The following CHODL variants were observed in gnomAD, a reference collection of about 807,000 sequenced individuals.
The protein encoded by CHODL is chondrolectin.
Under a neutral mutation model 34.5 loss-of-function variants are expected in CHODL, and 29 were observed. That is an observed-to-expected ratio of 0.84 (90% CI 0.63 to 1.15). The LOEUF is 1.15. CHODL is among the 50% of genes most tolerant of loss of function. CHODL has a pLI of 0.00. For synonymous variants in CHODL, 125 were observed against 116.1 expected (o/e 1.08, Z -0.49); for missense variants, 332 against 332.5 (o/e 1.00, Z 0.01).
chr21:17,922,538 G>A (rs1201886999), intron 1 of CHODL, among the ~76,000 whole-genome samples: 1 of 152,112 alleles, frequency 6.6e-6, no homozygotes. Flanking sequence ...GCTCTGATAA[G>A]GTTGTTAGCA....
At chr21:18,137,350 A>AT (rs1424099365) in intron 2 of CHODL, among the ~76,000 whole-genome samples, 7 of 152,190 alleles carry the variant, frequency 4.6e-5, no homozygotes, top group African/African-American at 1.7e-4. Context: ...CATAACTATC[A>AT]TAATTAGCAT....
At chr21:18,008,240 T>C (rs1219626857) in intron 1 of CHODL, among the ~76,000 whole-genome samples, 2 of 152,094 alleles carry the variant, frequency 1.3e-5, no homozygotes, top group Admixed American at 6.5e-5. Context: ...TTTGTATGTA[T>C]GCGTATACCC....
At chr21:18,093,962 C>G (rs1478596159) in intron 2 of CHODL, among the ~76,000 whole-genome samples, 1 of 151,948 alleles carries the variant, frequency 6.6e-6, no homozygotes, top group Non-Finnish European at 1.5e-5. Flanking sequence ...ATCCAATGAT[C>G]TATGCTTACA....
intron 2 of CHODL, among the ~76,000 whole-genome samples, chr21:18,077,659 T>A (rs2064882453): frequency 6.6e-6 from 1 of 152,092 alleles, no homozygotes. Flanking sequence ...CTTTGCCCAT[T>A]TTGCAATGTG....
chr21:18,206,897 T>G (rs975455855), intron 2 of CHODL, among the ~76,000 whole-genome samples: 1 of 148,956 alleles, frequency 6.7e-6, no homozygotes, highest in Non-Finnish European at 1.5e-5. Context: ...TATTATTATT[T>G]TATTATACTT....
intron 2 of CHODL, chr21:18,134,237 G>A (rs940945108): frequency 4.2e-5 from 20 of 472,204 alleles, no homozygotes; most frequent in Middle Eastern, 4.2e-4. Context: ...ATCTAGGTGT[G>A]CATATGCCTC....
chr21:18,257,190 C>G, intron 3 of CHODL, 63 bp downstream of exon 3: 2 of 1,456,786 alleles, frequency 1.4e-6, no homozygotes, highest in Non-Finnish European at 1.8e-6. Flanking sequence ...TAAGTTTTGT[C>G]TTTAATTTTG....
intron 2 of CHODL, among the ~76,000 whole-genome samples, chr21:18,132,987 G>T (rs972328188): frequency 1.3e-5 from 2 of 151,928 alleles, no homozygotes; most frequent in African/African-American, 4.8e-5. Flanking sequence ...AAAGCCTAAT[G>T]AAACTATTGG....
intron 2 of CHODL, among the ~76,000 whole-genome samples, chr21:18,222,409 G>T (rs2073893150): frequency 6.6e-6 from 1 of 152,118 alleles, no homozygotes; most frequent in African/African-American, 2.4e-5. Context: ...GAAAATAGTG[G>T]TGTGCTACAG....
chr21:17,965,911 A>ATT (rs34819022), intron 1 of CHODL, among the ~76,000 whole-genome samples: 2,237 of 144,980 alleles, frequency 0.015, 32 homozygotes, highest in Middle Eastern at 0.11. Flanking sequence ...AGAGAAGGTA[A>ATT]TTTTTTTTTT....
At chr21:18,195,035 ATT>A (rs2073567663) in intron 2 of CHODL, among the ~76,000 whole-genome samples, 1 of 145,098 alleles carries the variant, frequency 6.9e-6, no homozygotes, top group Non-Finnish European at 1.5e-5. Flanking sequence ...TACATTATTT[ATT>A]TATTTATTTA....
intron 1 of CHODL, among the ~76,000 whole-genome samples, chr21:17,997,479 G>T (rs1310207862): frequency 1.3e-5 from 2 of 152,160 alleles, no homozygotes; most frequent in African/African-American, 4.8e-5. Context: ...TGACTCTTTT[G>T]TTGTATTATA....
At chr21:17,951,107 CGTGTGTGTGTGTGTGT>C (rs3073722) in intron 1 of CHODL, among the ~76,000 whole-genome samples, 6 of 149,132 alleles carry the variant, frequency 4.0e-5, no homozygotes, top group African/African-American at 1.5e-4. Context: ...TTACTCTATA[CGTGTGTGTGTGTGTGT>C]GTGTGTGTGT....
At position 18,139,772 on chromosome 21, in the gene CHODL, G is replaced by C. The variant is rs117118460; in HGVS notation, c.-45+111801G>C. ...CCAGGCTGTTAGTTTAATGTTTGCT[G>C]TATGTACTATGTAGTCTTTTCTGTT... On this transcript the variant is annotated intron_variant, in intron 2 of 6. Coordinates refer to the CHODL transcript ENST00000400127. Among the ~76,000 whole-genome samples, 438 of 152,284 alleles carry C rather than the reference G, an allele frequency of 2.9e-3. 6 individuals carry two copies. The East Asian group carries it at 0.051, about 18-fold the overall frequency.
intron 1 of CHODL, among the ~76,000 whole-genome samples, chr21:17,936,294 C>T (rs955341870): frequency 4.0e-5 from 6 of 151,886 alleles, no homozygotes; most frequent in African/African-American, 1.5e-4. Flanking sequence ...TTACGAGGTA[C>T]AAAGATTTAG....
intron 1 of CHODL, among the ~76,000 whole-genome samples, chr21:17,964,163 A>C (rs1347839164): frequency 6.6e-6 from 1 of 152,256 alleles, no homozygotes; most frequent in Admixed American, 6.5e-5. Context: ...AGCCGAAATG[A>C]AATAAAATAA....
intron 2 of CHODL, among the ~76,000 whole-genome samples, chr21:18,064,425 C>G (rs762899350): frequency 1.3e-5 from 2 of 152,216 alleles, no homozygotes; most frequent in Non-Finnish European, 2.9e-5. Context: ...AACAGGTATA[C>G]TAAGTGTCTG....
At chr21:18,037,145 A>G (rs1490765654) in intron 2 of CHODL, among the ~76,000 whole-genome samples, 1 of 151,942 alleles carries the variant, frequency 6.6e-6, no homozygotes, top group African/African-American at 2.4e-5. Context: ...TTTAACTCCA[A>G]CAGACCTACA....
chr21:18,068,417 A>G (rs1051099609), intron 2 of CHODL, among the ~76,000 whole-genome samples: 2 of 152,090 alleles, frequency 1.3e-5, no homozygotes, highest in South Asian at 2.1e-4. Flanking sequence ...GGCAGGTCTC[A>G]AACTCCTGAT....
Sources: allele counts gnomAD v4.1 joint callset (sites outside exome capture counted in the v4.1 genomes callset), GRCh38; gene constraint gnomAD v4.1.1; transcripts MANE v1.5; gene names NCBI Gene and HGNC (gene_info 2026-07-23, HGNC 2026-07-21).